The following CDC20B variants were observed in gnomAD, a reference collection of about 807,000 sequenced individuals.
The protein encoded by CDC20B is cell division cycle protein 20 homolog B.
CDC20B carries 58 observed loss-of-function variants against 64.1 expected under a neutral mutation model. The ratio of observed to expected loss-of-function variants is 0.90; its 90% CI spans 0.73 to 1.13. CDC20B has a LOEUF of 1.13. Ranked by LOEUF, CDC20B falls within the 50% of genes most tolerant of loss-of-function variation. The pLI, the probability that CDC20B is intolerant of heterozygous loss-of-function variation, is 0.00. For missense variants in CDC20B, 597 were observed against 633.0 expected (o/e 0.94, Z 0.61); for synonymous variants, 243 against 230.6 (o/e 1.05, Z -0.49).
intron 2 of CDC20B, among the ~76,000 whole-genome samples, chr5:55,169,970 C>T (rs994364739): frequency 2.6e-5 from 4 of 152,052 alleles, no homozygotes; most frequent in Admixed American, 1.3e-4. Context: ...AAAAATTAGC[C>T]GGGCATGGTA....
chr5:55,129,662 C>T (rs1344388360), intron 6 of CDC20B, among the ~76,000 whole-genome samples: 4 of 152,190 alleles, frequency 2.6e-5, no homozygotes, highest in Non-Finnish European at 5.9e-5. Flanking sequence ...ACTCAAATCA[C>T]CTTAGTAAAG....
intron 3 of CDC20B, 25 bp from the exon 4 acceptor site, chr5:55,143,668 A>T (rs1168451366): frequency 1.3e-6 from 2 of 1,559,284 alleles, no homozygotes; most frequent in Non-Finnish European, 1.7e-6. Context: ...TTTATCTTTG[A>T]ATTTGGTTTT....
At chr5:55,138,954 A>T (rs373745432) in intron 5 of CDC20B, among the ~76,000 whole-genome samples, 2 of 104,534 alleles carry the variant, frequency 1.9e-5, no homozygotes, top group East Asian at 2.9e-4. Flanking sequence ...AAATGACAAT[A>T]AAAAAAATAT....
intron 5 of CDC20B, 59 bp downstream of exon 5, chr5:55,140,255 A>C: frequency 3.2e-6 from 3 of 937,824 alleles, no homozygotes; most frequent in Non-Finnish European, 4.9e-6. Context: ...ATTAGGAAGA[A>C]ATGAAGGAGG....
intron 2 of CDC20B, among the ~76,000 whole-genome samples, chr5:55,169,657 T>C (rs1481249151): frequency 6.6e-6 from 1 of 152,202 alleles, no homozygotes; most frequent in East Asian, 1.9e-4. Flanking sequence ...CAAAAAAATG[T>C]AAACCATCCC....
At chr5:55,169,781 A>G (rs1025747591) in intron 2 of CDC20B, among the ~76,000 whole-genome samples, 2 of 152,230 alleles carry the variant, frequency 1.3e-5, no homozygotes, top group Non-Finnish European at 2.9e-5. Flanking sequence ...ACACACAGTC[A>G]TGGCTATAGA....
At chr5:55,156,445 A>T (rs556331209) in intron 2 of CDC20B, among the ~76,000 whole-genome samples, 1 of 152,350 alleles carries the variant, frequency 6.6e-6, no homozygotes, top group Non-Finnish European at 1.5e-5. Context: ...CGAAAGTTCA[A>T]AACTCTATTC....
chr5:55,152,245 C>A (rs989382655), intron 2 of CDC20B, among the ~76,000 whole-genome samples: 6 of 152,226 alleles, frequency 3.9e-5, no homozygotes, highest in Non-Finnish European at 1.5e-5. Flanking sequence ...GCCTCCGTAA[C>A]TAGAAGAGAA....
intron 9 of CDC20B, among the ~76,000 whole-genome samples, chr5:55,123,217 T>TA (rs896223091): frequency 6.6e-6 from 1 of 152,158 alleles, no homozygotes; most frequent in Non-Finnish European, 1.5e-5. Flanking sequence ...ATATATATCA[T>TA]AAGTTAAAGT....
Position 55,124,905 on chromosome 5 carries a change from GGAAAGCAGCCTGCCATCCGGT to G in CDC20B, c.1092_1112del (p.Pro365_Ser371del). ...TCAGCAGTCCATCACTGCAGCCGCT[GGAAAGCAGCCTGCCATCCGGT>G]GACCACTTCAGAGCACACACAGCTT... is the stretch of plus-strand genomic sequence containing the variant. On this transcript the variant is annotated inframe_deletion, in exon 9 of 12. Transcript: ENST00000381375. The G allele has an allele frequency of 1.2e-6, 2 of 1,614,196 alleles. No individual in the cohort carries two copies. Among genetic ancestry groups the G allele is most frequent in the Non-Finnish European group, 1.7e-6 (2 of 1,180,034 alleles).
rs766167696 is a variant in CDC20B at position 55,146,815 on chromosome 5, G to T, written c.168C>A (p.Ser56Arg). The change falls in exon 3 of 12, where the codon AGC becomes AGA. Residue 56 changes from serine to arginine, a missense_variant. Around this residue, in one of 3 missense-constraint regions of CDC20B, gnomAD observed 241 missense variants for 219.2 expected, o/e 1.10. Transcript: ENST00000381375. ...SVNATYSDFK[S>R]NFAKRLSAEV... ...CTGCGGACAGCCTCTTCGCAAAGTTGCTCTTAAAGTCAGAATACGTAGCAT... is the reference window on the plus strand; with the variant it reads ...CTGCGGACAGCCTCTTCGCAAAGTTTCTCTTAAAGTCAGAATACGTAGCAT... The T allele has an allele frequency of 4.3e-6, 7 of 1,614,086 alleles. No individual in the cohort carries two copies. The South Asian group carries it at 7.7e-5, about 18-fold the overall frequency.
In CDC20B at chr5:55,114,041, C is replaced by G; in HGVS notation, c.*177G>C. The G allele has an allele frequency of 1.8e-6, 2 of 1,141,058 alleles. No individual in the cohort carries two copies. The highest frequency in any genetic ancestry group is 1.6e-5 in the African/African-American group (1 of 63,514). The allele number at this position is 1,141,058 out of a possible 1,614,324, so 70.7% of individuals were successfully genotyped here. On this transcript the variant is annotated 3_prime_UTR_variant, in exon 12 of 12. Coordinates refer to ENST00000381375, the MANE Select transcript of CDC20B (RefSeq NM_001170402.1). The surrounding 1 kb of genome is among the most constrained non-coding windows in gnomAD (Gnocchi z 4.1). Reference sequence around the variant, plus strand: ...AAAGCAGAGAAGAAAAGAAGCGGATCTCTGGGAAGCAGAGCAAGTAAAGCA... The same window carrying G: ...AAAGCAGAGAAGAAAAGAAGCGGATGTCTGGGAAGCAGAGCAAGTAAAGCA...
intron 2 of CDC20B, among the ~76,000 whole-genome samples, chr5:55,162,598 A>G (rs1006700592): frequency 6.6e-6 from 1 of 152,266 alleles, no homozygotes; most frequent in East Asian, 1.9e-4. Context: ...TAAAAACATT[A>G]TATTTAATTT....
chr5:55,121,679 C>A (rs147560078), intron 9 of CDC20B, among the ~76,000 whole-genome samples: 37 of 152,142 alleles, frequency 2.4e-4, no homozygotes, highest in South Asian at 8.3e-4. Context: ...TTTTACAGCA[C>A]CAGCATCCAA....
intron 2 of CDC20B, chr5:55,164,559 A>G (rs1744279828): frequency 6.3e-6 from 1 of 159,606 alleles, no homozygotes; most frequent in South Asian, 2.0e-4. Flanking sequence ...ACAGTGACCA[A>G]TGTGCCTCAA....
intron 2 of CDC20B, among the ~76,000 whole-genome samples, chr5:55,159,407 G>T (rs180843259): frequency 1.4e-4 from 21 of 152,282 alleles, no homozygotes; most frequent in Non-Finnish European, 2.4e-4. Flanking sequence ...AATGCAACAG[G>T]TGGGGGTGCA....
intron 2 of CDC20B, among the ~76,000 whole-genome samples, chr5:55,167,544 T>C (rs1744454974): frequency 6.6e-6 from 1 of 152,098 alleles, no homozygotes; most frequent in Non-Finnish European, 1.5e-5. Flanking sequence ...GTTTAGTAAC[T>C]AGGATGCAAA....
chr5:55,124,016 G>C (rs1210581195), intron 9 of CDC20B, among the ~76,000 whole-genome samples: 1 of 152,190 alleles, frequency 6.6e-6, no homozygotes, highest in Non-Finnish European at 1.5e-5. Context: ...TGCTCTGTGA[G>C]TGACATATAT....
At position 55,146,752 on chromosome 5, in the gene CDC20B, C is replaced by T. The variant is rs747525109; in HGVS notation, c.231G>A (p.Trp77Ter). Reference sequence around the variant, plus strand: ...ACAGAGCCCTAGTTTGACTTTGCTGCCACCTTGTGGTAATGGGGCTACTCG... The same window carrying T: ...ACAGAGCCCTAGTTTGACTTTGCTGTCACCTTGTGGTAATGGGGCTACTCG... ...PVASSPITTR[W>*]QQSQTRALSS... The change falls in exon 3 of 12, where the codon TGG becomes TGA. Residue 77 changes from tryptophan to a stop codon, truncating the protein, a stop_gained. Transcript: ENST00000381375. LOFTEE classifies it high-confidence loss of function. The T allele has an allele frequency of 5.6e-6, 9 of 1,614,138 alleles. No homozygotes were observed. The highest frequency in any genetic ancestry group is 7.6e-6 in the Non-Finnish European group (9 of 1,180,036).
Sources: gnomAD v4.1 joint callset for allele counts (sites outside exome capture counted in the v4.1 genomes callset) on GRCh38, gnomAD v4.1.1 for gene constraint, gnomAD v4.1.1 regional missense constraint, Gnocchi (gnomAD v3.1) non-coding constraint, MANE v1.5 for transcripts, NCBI Gene and HGNC (gene_info 2026-07-23, HGNC 2026-07-21) for gene names.